AGPAT5: variants seen among roughly 807,000 people sequenced by gnomAD.
AGPAT5 encodes the protein 1-acylglycerol-3-phosphate O-acyltransferase 5.
AGPAT5 carries 46 observed loss-of-function variants against 45.6 expected under a neutral mutation model. The observed-to-expected ratio is 1.01, with a 90% CI of 0.80 to 1.29. AGPAT5 has a LOEUF of 1.29. Among genes scored for constraint, AGPAT5 ranks in the 50% most tolerant of loss-of-function variants. AGPAT5 has a pLI of 0.00. For synonymous variants in AGPAT5, 272 were observed against 167.0 expected (o/e 1.63, Z -4.85); for missense variants, 673 against 450.7 (o/e 1.49, Z -4.47).
chr8:6,732,986 C>T lies in AGPAT5; in HGVS notation c.495+336C>T, dbSNP rs532626971. Among the ~76,000 whole-genome samples, 5 of 152,274 alleles carry T rather than the reference C, an allele frequency of 3.3e-5. No individual in the cohort carries two copies. In the South Asian group the frequency reaches 6.2e-4, roughly 19 times the overall value. On this transcript the variant is annotated intron_variant, in intron 4 of 7. Transcript: ENST00000285518. ...ACAAGCTCATCTTACTTCTTGTCTTCTTTAGTATCAGATTTGGTTTTAGAA... is the reference window on the plus strand; with the variant it reads ...ACAAGCTCATCTTACTTCTTGTCTTTTTTAGTATCAGATTTGGTTTTAGAA...
chr8:6,718,154 A>G (rs982653477), intron 1 of AGPAT5, among the ~76,000 whole-genome samples: 2 of 152,228 alleles, frequency 1.3e-5, no homozygotes, highest in Non-Finnish European at 2.9e-5. Context: ...TAAAATAAGA[A>G]CAGTACCAAA....
chr8:6,710,186 A>T (rs2408445), intron 1 of AGPAT5, among the ~76,000 whole-genome samples: 5,834 of 152,272 alleles, frequency 0.038, 123 homozygotes, highest in Non-Finnish European at 0.049. Flanking sequence ...AGGACACAAT[A>T]TGATGCAGAA....
chr8:6,724,798 C>T, intron 1 of AGPAT5, 72 bp from the exon 2 acceptor site: 2 of 461,108 alleles, frequency 4.3e-6, no homozygotes, highest in Non-Finnish European at 7.5e-6. Flanking sequence ...TCAGTTTCTT[C>T]ACATTGTCTT....
chr8:6,709,672 G>T (rs1244781988), intron 1 of AGPAT5: 1 of 151,662 alleles, frequency 6.6e-6, no homozygotes, highest in Non-Finnish European at 1.5e-5. Flanking sequence ...TCTTGGTAGG[G>T]TTAGGGTGGC....
intron 4 of AGPAT5, among the ~76,000 whole-genome samples, chr8:6,734,486 A>G (rs924253436): frequency 3.9e-5 from 6 of 152,072 alleles, no homozygotes; most frequent in Non-Finnish European, 1.5e-5. Context: ...TAGTGTATCT[A>G]TCTGATCATA....
In AGPAT5 at chr8:6,724,902, A is replaced by G; in HGVS notation, c.252A>G (p.Lys84=). 1 of 1,161,956 alleles carries G rather than the reference A, an allele frequency of 8.6e-7. No homozygotes were observed. Among genetic ancestry groups the G allele is most frequent in the Non-Finnish European group, 1.1e-6 (1 of 880,460 alleles). 72.0% of individuals were successfully genotyped at this position (1,161,956 alleles called of 1,614,324 possible). The stretch of plus-strand genomic sequence containing the variant: ...TATATGGAGATTTGCCAAAAAATAA[A>G]GAAAATATAATATATTTAGCAAATC... ...ILLYGDLPKN[K]ENIIYLANHQ... Residue 84 remains lysine, a synonymous_variant, in exon 2 of 8, where the codon AAA becomes AAG. Transcript: ENST00000285518.
chr8:6,758,894 A>G lies in AGPAT5; in HGVS notation c.*1506A>G, dbSNP rs556187238. The stretch of plus-strand genomic sequence containing the variant: ...TATATCAGTGGCCCACATTAAACAT[A>G]CCAGTTGGATCATGATAAGCAAAAT... On this transcript the variant is annotated 3_prime_UTR_variant, in exon 8 of 8. Transcript: ENST00000285518. 1 of 152,778 alleles carries G rather than the reference A, an allele frequency of 6.5e-6. No individual in the cohort carries two copies. Among genetic ancestry groups the G allele is most frequent in the East Asian group, 1.9e-4 (1 of 5,190 alleles). The allele number at this position is 152,778 out of a possible 1,614,324, so 9.5% of individuals were successfully genotyped here. A position where few individuals can be genotyped will look rare whatever the true frequency, so the allele number is the denominator to read the frequency against.
chr8:6,721,002 T>G (rs560929813), intron 1 of AGPAT5, among the ~76,000 whole-genome samples: 1 of 152,322 alleles, frequency 6.6e-6, no homozygotes, highest in South Asian at 2.1e-4. Flanking sequence ...TGAAGAAGGC[T>G]TTGCTGAAGA....
At chr8:6,751,711 GA>G (rs1386003168) in intron 6 of AGPAT5, among the ~76,000 whole-genome samples, 3 of 147,780 alleles carry the variant, frequency 2.0e-5, no homozygotes, top group South Asian at 2.2e-4. Context: ...GATTACTATT[GA>G]TTTTTTTTTA....
rs180785046 is a variant in AGPAT5 at position 6,757,869 on chromosome 8, T to C, written c.*481T>C. The C allele has an allele frequency of 6.5e-6, 1 of 153,714 alleles. No individual in the cohort carries two copies. The highest frequency in any genetic ancestry group is 2.4e-5 in the African/African-American group (1 of 41,464). The allele number at this position is 153,714 out of a possible 1,614,324, so 9.5% of individuals were successfully genotyped here. Reference sequence around the variant, plus strand: ...ACAAGTCAGTGAAATAAATTGTATTTAGGAAGTGTCAGGATGTTCAAAGGA... The same window carrying C: ...ACAAGTCAGTGAAATAAATTGTATTCAGGAAGTGTCAGGATGTTCAAAGGA... On this transcript the variant is annotated 3_prime_UTR_variant, in exon 8 of 8. Transcript: ENST00000285518.
rs751337545 is a variant in AGPAT5 at position 6,741,776 on chromosome 8, A to G, written c.586+25A>G. The G allele has an allele frequency of 3.3e-6, 5 of 1,530,800 alleles. No individual in the cohort carries two copies. The Admixed American group carries it at 5.5e-5, about 17-fold the overall frequency. The allele number at this position is 1,530,800 out of a possible 1,614,324, so 94.8% of individuals were successfully genotyped here. A position where few individuals can be genotyped will look rare whatever the true frequency, so the allele number is the denominator to read the frequency against. On this transcript the variant is annotated intron_variant, in intron 5 of 7. Coordinates refer to ENST00000285518, the MANE Select transcript of AGPAT5 (RefSeq NM_018361.5). Reference sequence around the variant, plus strand: ...GGTAAGTAAAAATTTGAGTGTTTGAACAAATAATTTTCAAAGATAATAACA... The same window carrying G: ...GGTAAGTAAAAATTTGAGTGTTTGAGCAAATAATTTTCAAAGATAATAACA...
At chr8:6,743,046 C>T (rs1038689106) in intron 5 of AGPAT5, among the ~76,000 whole-genome samples, 6 of 152,206 alleles carry the variant, frequency 3.9e-5, no homozygotes, top group African/African-American at 1.4e-4. Flanking sequence ...TTCCAGTACT[C>T]ACTCTGCCCT....
intron 6 of AGPAT5, among the ~76,000 whole-genome samples, chr8:6,751,882 T>G (rs1186209751): frequency 6.6e-6 from 1 of 152,188 alleles, no homozygotes; most frequent in Admixed American, 6.5e-5. Context: ...AATATTTTTA[T>G]ATTTAAAGTA....
chr8:6,726,721 T>G (rs1800699492), intron 2 of AGPAT5, among the ~76,000 whole-genome samples: 1 of 152,198 alleles, frequency 6.6e-6, no homozygotes, highest in Non-Finnish European at 1.5e-5. Context: ...CATACTGACC[T>G]GAATTTCATT....
chr8:6,726,014 G>C (rs1462150766), intron 2 of AGPAT5, among the ~76,000 whole-genome samples: 1 of 152,152 alleles, frequency 6.6e-6, no homozygotes, highest in Non-Finnish European at 1.5e-5. Flanking sequence ...AGATTTATAG[G>C]ACAAGGGTTG....
chr8:6,711,667 G>A (rs1349257899), intron 1 of AGPAT5, among the ~76,000 whole-genome samples: 3 of 152,178 alleles, frequency 2.0e-5, no homozygotes, highest in African/African-American at 7.2e-5. Flanking sequence ...AAGTTCTCGT[G>A]ATTCTGGAGG....
chr8:6,735,241 TTCA>T (rs1361699208), intron 4 of AGPAT5, among the ~76,000 whole-genome samples: 1 of 152,176 alleles, frequency 6.6e-6, no homozygotes, highest in Non-Finnish European at 1.5e-5. Flanking sequence ...GTTCATCAGT[TTCA>T]GGCTGCTGTT....
At chr8:6,717,109 C>A (rs144956930) in intron 1 of AGPAT5, among the ~76,000 whole-genome samples, 1 of 152,194 alleles carries the variant, frequency 6.6e-6, no homozygotes, top group African/African-American at 2.4e-5. Context: ...AAAAAGAATT[C>A]TCACGCAGCC....
chr8:6,709,903 A>G lies in AGPAT5; in HGVS notation c.219+1016A>G, dbSNP rs554984899. 1.2e-3 allele frequency among the ~76,000 whole-genome samples: 181 copies of G among 152,304 alleles called. 1 individual carries two copies. The highest frequency in any genetic ancestry group is 3.9e-3 in the African/African-American group (163 of 41,552). On this transcript the variant is annotated intron_variant, in intron 1 of 7. Coordinates refer to ENST00000285518, the MANE Select transcript of AGPAT5 (RefSeq NM_018361.5). ...TGTCTGTAAGTGTCTCCTTGGAAAG[A>G]AAAAAAGATACTGTTCCAGGTCATG...
Sources: allele counts gnomAD v4.1 joint callset (sites outside exome capture counted in the v4.1 genomes callset), GRCh38; gene constraint gnomAD v4.1.1; transcripts MANE v1.5; gene names NCBI Gene and HGNC (gene_info 2026-07-23, HGNC 2026-07-21).